Variants in SUGT1 observed in about 807,000 individuals in gnomAD.
SUGT1 encodes the protein protein SGT1 homolog.
SUGT1 carries 15 observed loss-of-function variants against 56.1 expected under a neutral mutation model. The observed-to-expected ratio is 0.27, with a 90% CI of 0.18 to 0.41. The LOEUF is 0.41. Ranked by LOEUF, SUGT1 falls within the 10% of genes least tolerant of loss-of-function variation. The probability of loss-of-function intolerance (pLI) is 1.00; values close to 1 mark genes in which losing one functional copy is unlikely to be tolerated. For missense variants in SUGT1, 347 were observed against 382.2 expected (o/e 0.91, Z 0.77); for synonymous variants, 123 against 128.6 (o/e 0.96, Z 0.30).
intron 12 of SUGT1, among the ~76,000 whole-genome samples, chr13:52,682,042 A>T (rs1018779483): frequency 6.7e-6 from 1 of 150,334 alleles, no homozygotes; most frequent in African/African-American, 2.5e-5. Context: ...AGGGTCTTTC[A>T]TAGAACCAAA....
chr13:52,672,082 GTTTTA>G (rs1962969367), intron 10 of SUGT1, among the ~76,000 whole-genome samples: 1 of 152,088 alleles, frequency 6.6e-6, no homozygotes, highest in Non-Finnish European at 1.5e-5. Context: ...CTTTCTTACT[GTTTTA>G]TTTTAGTTAT....
At chr13:52,676,931 G>A (rs1004008678) in intron 11 of SUGT1, among the ~76,000 whole-genome samples, 2 of 152,128 alleles carry the variant, frequency 1.3e-5, no homozygotes, top group South Asian at 4.1e-4. Flanking sequence ...CAATAACTAG[G>A]TAAGAATTTT....
chr13:52,665,581 C>A, intron 8 of SUGT1, 56 bp from the exon 9 acceptor site: 1 of 1,343,380 alleles, frequency 7.4e-7, no homozygotes, highest in Non-Finnish European at 1.0e-6. Flanking sequence ...TTTGTTTTGA[C>A]AATAGCTTTA....
intron 3 of SUGT1, among the ~76,000 whole-genome samples, 168 bp downstream of exon 3, chr13:52,657,790 G>A (rs1962238720): frequency 6.6e-6 from 1 of 152,174 alleles, no homozygotes; most frequent in Admixed American, 6.5e-5. Flanking sequence ...AAATTTTATG[G>A]ATGTCGCTTT....
Position 52,652,845 on chromosome 13 carries a change from T to A in SUGT1, c.-76T>A. ...AGCTCGGTTGGTGTTTCTCCAGAAGTTTCCCCCTTGGGCGGTGGTGGAGGT... is the reference window on the plus strand; with the variant it reads ...AGCTCGGTTGGTGTTTCTCCAGAAGATTCCCCCTTGGGCGGTGGTGGAGGT... On this transcript the variant is annotated 5_prime_UTR_variant, in exon 1 of 13. Coordinates refer to ENST00000310528, the MANE Select transcript of SUGT1 (RefSeq NM_006704.5). The A allele has an allele frequency of 1.9e-6, 3 of 1,567,110 alleles. No homozygotes were observed. The highest frequency in any genetic ancestry group is 2.6e-6 in the Non-Finnish European group (3 of 1,154,490).
At chr13:52,679,821 C>T (rs962376561) in intron 11 of SUGT1, among the ~76,000 whole-genome samples, 153 bp from the exon 12 acceptor site, 3 of 152,118 alleles carry the variant, frequency 2.0e-5, no homozygotes, top group African/African-American at 7.2e-5. Context: ...TTGTTATTGA[C>T]CTATATACCA....
chr13:52,665,666 T>G lies in SUGT1; in HGVS notation c.452T>G (p.Val151Gly), dbSNP rs752834033. 6.2e-7 allele frequency: 1 copy of G among 1,601,814 alleles called. No individual in the cohort carries two copies. The highest frequency in any genetic ancestry group is 8.5e-7 in the Non-Finnish European group (1 of 1,176,628). ...KYDWYQTESQVVITLMIKNVQ... is the reference protein window; with the variant it reads ...KYDWYQTESQGVITLMIKNVQ... ...GACTGGTATCAAACAGAATCTCAAG[T>G]AGTCATTACACTTATGATCAAGAAT... Residue 151 changes from valine to glycine, a missense_variant, in exon 9 of 13, where the codon GTA becomes GGA. By Grantham distance (109) the Val-to-Gly change is moderately radical (BLOSUM62 -3). Coordinates refer to ENST00000310528, the MANE Select transcript of SUGT1 (RefSeq NM_006704.5).
intron 12 of SUGT1, among the ~76,000 whole-genome samples, chr13:52,686,673 G>T (rs1429818254): frequency 1.3e-5 from 2 of 152,182 alleles, no homozygotes; most frequent in Admixed American, 6.5e-5. Context: ...GTATACATTG[G>T]CCACTAACAC....
rs4884240 is a variant in SUGT1, at chr13:52,691,723, A to G, written c.*3888A>G. 0.96 allele frequency: 145,693 copies of G among 152,286 alleles called. 69,712 individuals carry two copies. Among genetic ancestry groups the G allele is most frequent in the East Asian group, 0.99 (5,134 of 5,178 alleles). 9.4% of individuals were successfully genotyped at this position (152,286 alleles called of 1,614,324 possible). A position where few individuals can be genotyped will look rare whatever the true frequency, so the allele number is the denominator to read the frequency against. ...CCTGCTACTGTAACCATATGACAGT[A>G]TGGATTTAAGTTATTTCTGCCTAGA... On this transcript the variant is annotated 3_prime_UTR_variant, in exon 13 of 13. Coordinates refer to ENST00000310528, the MANE Select transcript of SUGT1 (RefSeq NM_006704.5).
In SUGT1 at chr13:52,667,992, T is replaced by A. The variant is rs554020265; in HGVS notation, c.627+1073T>A. 3.3e-4 allele frequency among the ~76,000 whole-genome samples: 50 copies of A among 152,018 alleles called. 1 individual carries two copies. In the South Asian group the frequency reaches 0.01, roughly 32 times the overall value. On this transcript the variant is annotated intron_variant, in intron 10 of 12. Coordinates refer to ENST00000310528, the MANE Select transcript of SUGT1 (RefSeq NM_006704.5). ...TACTACTTTTTTTTTTTTTCCTTGTTTTTGAGATGTAGTCTAGCTCTGTTG... is the reference window on the plus strand; with the variant it reads ...TACTACTTTTTTTTTTTTTCCTTGTATTTGAGATGTAGTCTAGCTCTGTTG...
chr13:52,661,082 G>C (rs1043798250), intron 5 of SUGT1, among the ~76,000 whole-genome samples: 4 of 152,134 alleles, frequency 2.6e-5, no homozygotes, highest in Non-Finnish European at 2.9e-5. Flanking sequence ...AAAGTGCTGG[G>C]GTTACAGGCA....
Position 52,690,423 on chromosome 13 carries a change from A to G in SUGT1, c.*2588A>G, listed in dbSNP as rs1179131542. 1 of 152,038 alleles carries G rather than the reference A, an allele frequency of 6.6e-6. No individual in the cohort carries two copies. The highest frequency in any genetic ancestry group is 1.5e-5 in the Non-Finnish European group (1 of 68,000). 9.4% of individuals were successfully genotyped at this position (152,038 alleles called of 1,614,324 possible). ...AATTTTGGTTCTCAGTGCTGTTAGT[A>G]TTAGTAGCCTTTTGTTTCTTCAGAA... On this transcript the variant is annotated 3_prime_UTR_variant, in exon 13 of 13. Transcript: ENST00000310528.
intron 10 of SUGT1, among the ~76,000 whole-genome samples, chr13:52,672,132 G>A (rs1962971175): frequency 6.6e-6 from 1 of 152,154 alleles, no homozygotes; most frequent in South Asian, 2.1e-4. Flanking sequence ...CTCAGCAAAT[G>A]CGTTATCATA....
chr13:52,656,118 A>C (rs1380059356), intron 2 of SUGT1, among the ~76,000 whole-genome samples: 1 of 152,202 alleles, frequency 6.6e-6, no homozygotes, highest in East Asian at 1.9e-4. Flanking sequence ...AAGACTAGAG[A>C]GGCAAATATT....
In SUGT1 at chr13:52,658,462, G is replaced by A. The variant is rs1183146577; in HGVS notation, c.251G>A (p.Arg84Lys). 1 of 1,612,112 alleles carries A rather than the reference G, an allele frequency of 6.2e-7. No homozygotes were observed. Among genetic ancestry groups the A allele is most frequent in the African/African-American group, 1.3e-5 (1 of 74,820 alleles). Reference sequence around the variant, plus strand: ...CCAAATAATTCCACTGCTATGCTGAGAAAAGGGTATGCAGTAGCTACTCTT... The same window carrying A: ...CCAAATAATTCCACTGCTATGCTGAAAAAAGGGTATGCAGTAGCTACTCTT... ...LNPNNSTAML[R>K]KGICEYHEKN... is the part of the protein sequence containing the mutation. The change falls in exon 4 of 13, where the codon AGA (arginine) becomes AAA (lysine). Residue 84 changes from arginine (R) to lysine (K), a missense_variant. Coordinates refer to ENST00000310528, the MANE Select transcript of SUGT1 (RefSeq NM_006704.5).
At chr13:52,666,585 T>C (rs183503023) in intron 9 of SUGT1, among the ~76,000 whole-genome samples, 1 of 152,288 alleles carries the variant, frequency 6.6e-6, no homozygotes, top group African/African-American at 2.4e-5. Context: ...AACTTATTCT[T>C]TTCTGCTGTT....
intron 10 of SUGT1, among the ~76,000 whole-genome samples, chr13:52,671,548 T>C (rs1300547259): frequency 1.3e-5 from 2 of 152,184 alleles, no homozygotes; most frequent in Non-Finnish European, 2.9e-5. Flanking sequence ...TACTGCATGG[T>C]GTAGGTATTT....
Position 52,652,850 on chromosome 13 carries a change from C to T in SUGT1, c.-71C>T. 2.5e-6 allele frequency: 4 copies of T among 1,574,454 alleles called. No individual in the cohort carries two copies. Among genetic ancestry groups the T allele is most frequent in the Middle Eastern group, 1.7e-4 (1 of 5,986 alleles). On this transcript the variant is annotated 5_prime_UTR_variant, in exon 1 of 13. Coordinates refer to ENST00000310528, the MANE Select transcript of SUGT1 (RefSeq NM_006704.5). Reference sequence around the variant, plus strand: ...GGTTGGTGTTTCTCCAGAAGTTTCCCCCTTGGGCGGTGGTGGAGGTGGTAA... The same window carrying T: ...GGTTGGTGTTTCTCCAGAAGTTTCCTCCTTGGGCGGTGGTGGAGGTGGTAA...
Position 52,698,177 on chromosome 13 carries a change from A to C in SUGT1, c.*10342A>C, listed in dbSNP as rs556690857. The C allele has an allele frequency of 1.3e-5, 2 of 152,330 alleles. No individual in the cohort carries two copies. Among genetic ancestry groups the C allele is most frequent in the East Asian group, 3.9e-4 (2 of 5,182 alleles). 9.4% of individuals were successfully genotyped at this position (152,330 alleles called of 1,614,324 possible). A position where few individuals can be genotyped will look rare whatever the true frequency, so the allele number is the denominator to read the frequency against. The stretch of plus-strand genomic sequence containing the variant: ...GCATGTTTTTATGGGCCATCTGACA[A>C]GACTAGAGGTAGCTTTGGAACCTCT... On this transcript the variant is annotated 3_prime_UTR_variant, in exon 13 of 13. Transcript: ENST00000310528.
Sources: gnomAD v4.1 joint callset for allele counts (sites outside exome capture counted in the v4.1 genomes callset) on GRCh38, gnomAD v4.1.1 for gene constraint, MANE v1.5 for transcripts, NCBI Gene and HGNC (gene_info 2026-07-23, HGNC 2026-07-21) for gene names.